The following CACNA1A variants were observed in gnomAD, a reference collection of about 807,000 sequenced individuals.
The protein encoded by CACNA1A is calcium voltage-gated channel subunit alpha1 A.
A neutral mutation model predicts 262.4 loss-of-function variants in CACNA1A; 57 were observed. The ratio of observed to expected loss-of-function variants is 0.22; its 90% CI spans 0.18 to 0.27. The LOEUF is 0.27. CACNA1A is among the 10% of genes least tolerant of loss of function. The pLI, the probability that CACNA1A is intolerant of heterozygous loss-of-function variation, is 1.00. For missense variants in CACNA1A, 2,526 were observed against 3,562.8 expected, an observed-to-expected ratio of 0.71 and a Z score of 7.41; for synonymous variants, 1,431 against 1,419.3, an observed-to-expected ratio of 1.01 and a Z score of -0.18.
At chr19:13,347,059 G>GTTTGT (rs1600390610) in intron 6 of CACNA1A, among the ~76,000 whole-genome samples, 17 of 58,390 alleles carry the variant, frequency 2.9e-4, no homozygotes, top group South Asian at 2.1e-3. Context: ...TGTTTTTTTT[G>GTTTGT]TTTTTTTGTT....
At chr19:13,361,475 A>G (rs1309654100) in intron 5 of CACNA1A, among the ~76,000 whole-genome samples, 1 of 152,226 alleles carries the variant, frequency 6.6e-6, no homozygotes, top group Non-Finnish European at 1.5e-5. Flanking sequence ...GTTTTCAAAG[A>G]CGACCGTGGC....
chr19:13,210,762 G>T, intron 43 of CACNA1A, 110 bp from the exon 44 acceptor site: 2 of 1,102,050 alleles, frequency 1.8e-6, no homozygotes, highest in Admixed American at 2.0e-5. Context: ...AAGCCAAGGA[G>T]GGGAGTGGCA....
At position 13,308,875 on chromosome 19, in the gene CACNA1A, G is replaced by T. The variant is rs770147708; in HGVS notation, c.1669-347C>A. ...AACATTTTTATAGAGATAGTGTCTCGCTAGTATTGCCCAGGCTGGCCTCAA... is the reference window on the plus strand; with the variant it reads ...AACATTTTTATAGAGATAGTGTCTCTCTAGTATTGCCCAGGCTGGCCTCAA... On this transcript the variant is annotated intron_variant, in intron 12 of 46. Coordinates refer to ENST00000360228, the MANE Select transcript of CACNA1A (RefSeq NM_001127222.2). This position sits in a 1 kb window ranked among gnomAD's most constrained non-coding sequence, Gnocchi z 4.2. 1.2e-5 allele frequency: 2 copies of T among 166,866 alleles called. No individual in the cohort carries two copies. Among genetic ancestry groups the T allele is most frequent in the South Asian group, 3.9e-4 (2 of 5,180 alleles). The allele number at this position is 166,866 out of a possible 1,614,324, so 10.3% of individuals were successfully genotyped here. A position where few individuals can be genotyped will look rare whatever the true frequency, so the allele number is the denominator to read the frequency against.
At chr19:13,436,035 C>A (rs376415949) in intron 3 of CACNA1A, among the ~76,000 whole-genome samples, 4 of 152,048 alleles carry the variant, frequency 2.6e-5, no homozygotes, top group Admixed American at 2.6e-4. Flanking sequence ...ATGTTGGCTA[C>A]GCTGGTCTTG....
chr19:13,367,366 T>C (rs1315895303), intron 4 of CACNA1A, among the ~76,000 whole-genome samples: 3 of 146,644 alleles, frequency 2.0e-5, no homozygotes, highest in Non-Finnish European at 4.5e-5. Context: ...TGAAGCCCCA[T>C]GTTTGCCCAT....
chr19:13,486,086 T>C (rs1979941527), intron 1 of CACNA1A, among the ~76,000 whole-genome samples: 1 of 152,234 alleles, frequency 6.6e-6, no homozygotes, highest in Non-Finnish European at 1.5e-5. Flanking sequence ...CACATGATTT[T>C]ATTCATATAA....
At chr19:13,316,048 C>T (rs1483650549) in intron 11 of CACNA1A, 1 of 152,196 alleles carries the variant, frequency 6.6e-6, no homozygotes, top group Non-Finnish European at 1.5e-5. Flanking sequence ...ACCTCTGCCT[C>T]CTGGATTCAA....
At position 13,437,691 on chromosome 19, in the gene CACNA1A, C is replaced by CAAAAAAAAAA. The variant is rs35266881; in HGVS notation, c.539+15175_539+15184dup. ...GGGCAACAAGAGTGAAACCCCATCT[C>CAAAAAAAAAA]AAAAAAAAAAAAAAAAAAAAAAAGA... On this transcript the variant is annotated intron_variant, in intron 3 of 46. Coordinates refer to ENST00000360228, the MANE Select transcript of CACNA1A (RefSeq NM_001127222.2). Among the ~76,000 whole-genome samples, 93 of 64,568 alleles carry CAAAAAAAAAA rather than the reference C, an allele frequency of 1.4e-3. 3 individuals carry two copies. The highest frequency in any genetic ancestry group is 2.2e-3 in the Non-Finnish European group (67 of 30,028). The allele number at this position is 64,568 out of a possible 152,430, so 42.4% of individuals were successfully genotyped here.
intron 1 of CACNA1A, among the ~76,000 whole-genome samples, chr19:13,488,547 T>C (rs147232716): frequency 1.5e-3 from 234 of 151,406 alleles, no homozygotes; most frequent in Non-Finnish European, 2.6e-3. Context: ...TACAGGTGTG[T>C]GCCACCACAC....
At chr19:13,209,195 C>A (rs1275419948) in intron 45 of CACNA1A, 117 bp downstream of exon 45, 2 of 1,333,872 alleles carry the variant, frequency 1.5e-6, no homozygotes, top group Non-Finnish European at 2.0e-6. Flanking sequence ...CCCCCTCTGT[C>A]CCCTCTCCAT....
At chr19:13,448,891 G>A (rs975680734) in intron 3 of CACNA1A, among the ~76,000 whole-genome samples, 4 of 152,084 alleles carry the variant, frequency 2.6e-5, no homozygotes, top group African/African-American at 9.7e-5. Context: ...CAAAAGTCAG[G>A]TTAGAGAAAT....
chr19:13,313,889 T>C (rs1047506341), intron 11 of CACNA1A, among the ~76,000 whole-genome samples: 4 of 152,192 alleles, frequency 2.6e-5, no homozygotes, highest in African/African-American at 4.8e-5. Flanking sequence ...TGAAGTTAAG[T>C]ACTTAGTTGG....
intron 6 of CACNA1A, among the ~76,000 whole-genome samples, chr19:13,350,789 A>G (rs59396643): frequency 0.1 from 15,841 of 152,234 alleles, 1,216 homozygotes; most frequent in East Asian, 0.41. Flanking sequence ...GGATCACTAG[A>G]GGCCAGTAGC....
intron 38 of CACNA1A, among the ~76,000 whole-genome samples, chr19:13,223,055 C>T (rs763169131): frequency 5.9e-5 from 9 of 151,656 alleles, no homozygotes; most frequent in African/African-American, 1.7e-4. Flanking sequence ...GCTAGGATCT[C>T]GTTCTGTCGC....
chr19:13,230,939 A>T (rs2055641264), intron 35 of CACNA1A, among the ~76,000 whole-genome samples: 1 of 151,996 alleles, frequency 6.6e-6, no homozygotes, highest in South Asian at 2.1e-4. Flanking sequence ...AAATCCTCCC[A>T]CATCTGCCCC....
Position 13,464,752 on chromosome 19 carries a change from G to A in CACNA1A, c.294-9540C>T, listed in dbSNP as rs993136973. Among the ~76,000 whole-genome samples the A allele has an allele frequency of 3.8e-4, 57 of 151,742 alleles. 1 individual carries two copies. The highest frequency in any genetic ancestry group is 1.3e-3 in the African/African-American group (54 of 41,364). The stretch of plus-strand genomic sequence containing the variant: ...TTTAGTAGAGACGGGGTTTCACCGT[G>A]TTAGCCAGGGTGGTCTCGATCTCCT... On this transcript the variant is annotated intron_variant, in intron 1 of 46. Transcript: ENST00000360228.
At chr19:13,356,315 G>C (rs1391818863) in intron 6 of CACNA1A, among the ~76,000 whole-genome samples, 1 of 152,172 alleles carries the variant, frequency 6.6e-6, no homozygotes, top group Admixed American at 6.5e-5. Flanking sequence ...GCCTTGTGAG[G>C]TGGGACTATG....
chr19:13,346,533 T>C (rs1297287173), intron 6 of CACNA1A, among the ~76,000 whole-genome samples: 1 of 148,486 alleles, frequency 6.7e-6, no homozygotes, highest in Non-Finnish European at 1.5e-5. Flanking sequence ...TAACTAAACA[T>C]AGTTTTGTTG....
intron 1 of CACNA1A, among the ~76,000 whole-genome samples, chr19:13,496,087 T>G (rs867072416): frequency 6.7e-5 from 5 of 75,168 alleles, no homozygotes; most frequent in Non-Finnish European, 1.2e-4. Flanking sequence ...CATCCATCCA[T>G]CCACCCAGAC....
Sources: gnomAD v4.1 joint callset for allele counts (sites outside exome capture counted in the v4.1 genomes callset) on GRCh38, gnomAD v4.1.1 for gene constraint, Gnocchi (gnomAD v3.1) non-coding constraint, MANE v1.5 for transcripts, NCBI Gene and HGNC (gene_info 2026-07-23, HGNC 2026-07-21) for gene names.